GLI2: variants seen among roughly 807,000 people sequenced by gnomAD.
GLI2 encodes the protein GLI family zinc finger 2, also known as transcription activator GLI2.
Under a neutral mutation model 78.9 loss-of-function variants are expected in GLI2, and 22 were observed. That is an observed-to-expected ratio of 0.28 (90% confidence interval 0.20 to 0.40). The LOEUF is 0.40. Among genes scored for constraint, GLI2 ranks in the 10% least tolerant of loss-of-function variants. GLI2 has a pLI of 1.00. For missense variants in GLI2, 2,097 were observed against 2,213.2 expected, an observed-to-expected ratio of 0.95 and a Z score of 1.05; for synonymous variants, 974 against 963.7, an observed-to-expected ratio of 1.01 and a Z score of -0.20.
chr2:120,926,568 G>A (rs1370389141), intron 2 of GLI2, among the ~76,000 whole-genome samples: 2 of 152,162 alleles, frequency 1.3e-5, no homozygotes, highest in East Asian at 3.8e-4. Context: ...TTTGTTAAAA[G>A]CCTTCTTTTC....
intron 2 of GLI2, among the ~76,000 whole-genome samples, chr2:120,874,989 G>A (rs1688663215): frequency 6.6e-6 from 1 of 152,212 alleles, no homozygotes; most frequent in Non-Finnish European, 1.5e-5. Flanking sequence ...CTTTCGGCCT[G>A]AAACACTCGG....
intron 5 of GLI2, among the ~76,000 whole-genome samples, 176 bp downstream of exon 5, chr2:120,955,606 A>AGT (rs1681223984): frequency 6.6e-6 from 1 of 152,194 alleles, no homozygotes; most frequent in Admixed American, 6.5e-5. Flanking sequence ...ACACTTACTG[A>AGT]GTCACCACAG....
rs1011741608 is a variant in GLI2, at chr2:120,735,966, G to GGGC, written c.-337_-335dup. 3.4e-4 allele frequency among the ~76,000 whole-genome samples: 52 copies of GGGC among 151,950 alleles called. 1 individual carries two copies. Among genetic ancestry groups the GGGC allele is most frequent in the African/African-American group, 1.2e-3 (50 of 41,482 alleles). ...CATCAATGAGACTTCGAGGAGGAGC[G>GGGC]GGCGGCGGCGGCGGCTGCGACTGCG... On this transcript the variant is annotated 5_prime_UTR_variant, in exon 1 of 14. Coordinates refer to ENST00000361492, the MANE Select transcript of GLI2 (RefSeq NM_001374353.1).
chr2:120,762,533 G>A (rs1272965017), intron 1 of GLI2, among the ~76,000 whole-genome samples: 2 of 152,190 alleles, frequency 1.3e-5, no homozygotes, highest in East Asian at 3.9e-4. Flanking sequence ...CAGGTCCCAG[G>A]AAGGCACAAG....
At position 120,982,767 on chromosome 2, in the gene GLI2, C is replaced by T. The variant is rs1205997619; in HGVS notation, c.1519C>T (p.Leu507=). 3 of 1,614,096 alleles carry T rather than the reference C, an allele frequency of 1.9e-6. No homozygotes were observed. The highest frequency in any genetic ancestry group is 3.3e-5 in the Admixed American group (2 of 60,020). ...YSRLENLKTH[L]RSHTGEKPYV... is the part of the protein sequence containing the mutation. ...CCGCCTGGAGAACCTGAAGACACAC[C>T]TGCGGTCCCACACCGGGGAGAAGCC... Residue 507 remains leucine, a synonymous_variant, in exon 11 of 14, where the codon CTG becomes TTG. Coordinates refer to ENST00000361492, the MANE Select transcript of GLI2 (RefSeq NM_001374353.1).
chr2:120,883,967 G>T (rs1247227560), intron 2 of GLI2, among the ~76,000 whole-genome samples: 1 of 152,202 alleles, frequency 6.6e-6, no homozygotes, highest in Non-Finnish European at 1.5e-5. Context: ...ATTTTGGAGA[G>T]TGGGGATTTG....
intron 2 of GLI2, among the ~76,000 whole-genome samples, chr2:120,892,945 G>A (rs1433321106): frequency 1.3e-5 from 2 of 152,216 alleles, no homozygotes; most frequent in Non-Finnish European, 2.9e-5. Flanking sequence ...TGGGGTTGTT[G>A]CCACTTTTCT....
intron 3 of GLI2, among the ~76,000 whole-genome samples, chr2:120,950,852 G>A (rs143427034): frequency 9.8e-4 from 149 of 152,254 alleles, no homozygotes; most frequent in African/African-American, 3.6e-3. Context: ...TTTCATATTC[G>A]TTTTCATACA....
At position 120,867,704 on chromosome 2, in the gene GLI2, A is replaced by G. The variant is rs543752790; in HGVS notation, c.149-59657A>G. On this transcript the variant is annotated intron_variant, in intron 2 of 13. Transcript: ENST00000361492. Reference sequence around the variant, plus strand: ...GCCTGGCCTGCAGCGCCCTTCTCCCACGTCCCTTCCCCTTGTCTGCTGCGC... The same window carrying G: ...GCCTGGCCTGCAGCGCCCTTCTCCCGCGTCCCTTCCCCTTGTCTGCTGCGC... Among the ~76,000 whole-genome samples the G allele has an allele frequency of 2.0e-5, 3 of 152,290 alleles. No homozygotes were observed. The East Asian group carries it at 5.8e-4, about 29-fold the overall frequency.
At position 120,955,515 on chromosome 2, in the gene GLI2, G is replaced by A. The variant is rs1185055991; in HGVS notation, c.643+85G>A. On this transcript the variant is annotated intron_variant, in intron 5 of 13. Transcript: ENST00000361492. ...AAGGTCACTCGCTGTTTCTTTTGGG[G>A]ACAAGGACCCTTAAGGAGAGGTCGG... 1.6e-5 allele frequency: 15 copies of A among 926,246 alleles called. No individual in the cohort carries two copies. The Admixed American group carries it at 3.9e-4, about 24-fold the overall frequency. 57.4% of individuals were successfully genotyped at this position (926,246 alleles called of 1,614,324 possible). A position where few individuals can be genotyped will look rare whatever the true frequency, so the allele number is the denominator to read the frequency against.
chr2:120,944,588 C>G, intron 3 of GLI2, among the ~76,000 whole-genome samples: 1 of 152,226 alleles, frequency 6.6e-6, no homozygotes. Context: ...ACCACCAAGC[C>G]AACCTTCTCG....
chr2:120,820,928 G>T (rs1365807316), intron 2 of GLI2, among the ~76,000 whole-genome samples: 1 of 152,118 alleles, frequency 6.6e-6, no homozygotes, highest in Non-Finnish European at 1.5e-5. Context: ...TTTCTCATCT[G>T]TCTGTGACCA....
intron 9 of GLI2, among the ~76,000 whole-genome samples, chr2:120,977,720 C>T (rs1682523399): frequency 6.6e-6 from 1 of 152,214 alleles, no homozygotes; most frequent in Non-Finnish European, 1.5e-5. Context: ...TCCCAACTCA[C>T]TTGCCTGGGG....
At position 120,988,493 on chromosome 2, in the gene GLI2, C is replaced by G; in HGVS notation, c.2528C>G (p.Thr843Arg). Residue 843 changes from threonine to arginine, a missense_variant, in exon 14 of 14, where the codon ACG becomes AGG. This residue lies in a region of GLI2 where 1,290 missense variants were observed against 1,261.7 expected (regional missense o/e 1.02). Transcript: ENST00000361492. Reference protein sequence around the residue: ...SSADSYDPISTDASRRSSEAS... With the variant: ...SSADSYDPISRDASRRSSEAS... ...GCTGACTCCTACGACCCCATCTCCA[C>G]GGACGCGTCGCGGCGCTCGAGCGAG... is the stretch of plus-strand genomic sequence containing the variant. The G allele has an allele frequency of 1.9e-6, 3 of 1,542,814 alleles. No homozygotes were observed. Among genetic ancestry groups the G allele is most frequent in the Non-Finnish European group, 2.6e-6 (3 of 1,154,094 alleles).
intron 2 of GLI2, among the ~76,000 whole-genome samples, chr2:120,816,619 T>A (rs1685506359): frequency 1.3e-5 from 2 of 150,572 alleles, no homozygotes; most frequent in African/African-American, 4.9e-5. Flanking sequence ...GATACAACTA[T>A]TATATTTATG....
chr2:120,866,661 G>A (rs1247220390), intron 2 of GLI2: 1 of 152,028 alleles, frequency 6.6e-6, no homozygotes, highest in Non-Finnish European at 1.5e-5. Context: ...GGCGGGTGGT[G>A]AGTGGCTGAG....
At chr2:120,945,863 C>T (rs932716849) in intron 3 of GLI2, among the ~76,000 whole-genome samples, 80 of 152,100 alleles carry the variant, frequency 5.3e-4, no homozygotes, top group Admixed American at 1.6e-3. Flanking sequence ...GGTCATGTGT[C>T]CCCTGCCCAG....
At chr2:120,820,772 T>G (rs1477952112) in intron 2 of GLI2, among the ~76,000 whole-genome samples, 1 of 152,110 alleles carries the variant, frequency 6.6e-6, no homozygotes, top group African/African-American at 2.4e-5. Flanking sequence ...GGGACTGACT[T>G]CTTTAAACAA....
chr2:120,744,021 G>T (rs756922001), intron 1 of GLI2, among the ~76,000 whole-genome samples: 5 of 152,242 alleles, frequency 3.3e-5, no homozygotes, highest in Non-Finnish European at 5.9e-5. Flanking sequence ...CACAGGGTCA[G>T]TGTAAATGGG....
Sources: gnomAD v4.1 joint callset for allele counts (sites outside exome capture counted in the v4.1 genomes callset) on GRCh38, gnomAD v4.1.1 for gene constraint, gnomAD v4.1.1 regional missense constraint, MANE v1.5 for transcripts, NCBI Gene and HGNC (gene_info 2026-07-23, HGNC 2026-07-21) for gene names.